The following ITPR1 variants were observed in gnomAD, a reference collection of about 807,000 sequenced individuals.
ITPR1 encodes inositol 1,4,5-trisphosphate receptor type 1, also known as inositol 1,4,5-trisphosphate-gated calcium channel ITPR1.
ITPR1 carries 96 observed loss-of-function variants against 318.4 expected under a neutral mutation model. The ratio of observed to expected loss-of-function variants is 0.30; its 90% CI spans 0.26 to 0.36. ITPR1 has a LOEUF of 0.36. Ranked by LOEUF, ITPR1 falls within the 10% of genes least tolerant of loss-of-function variation. ITPR1 has a pLI of 1.00. For missense variants in ITPR1, 2,440 were observed against 3,460.2 expected (o/e 0.71, Z 7.40); for synonymous variants, 1,312 against 1,289.9 (o/e 1.02, Z -0.37).
In ITPR1 at chr3:4,825,081, C is replaced by G. The variant is rs191833013; in HGVS notation, c.8028+6839C>G. Reference sequence around the variant, plus strand: ...GACTCATCTGAACGACTTTAACTCCCTAATAATTACACATGAGAATGTCTG... The same window carrying G: ...GACTCATCTGAACGACTTTAACTCCGTAATAATTACACATGAGAATGTCTG... On this transcript the variant is annotated intron_variant, in intron 60 of 61. Coordinates refer to ENST00000649015, the MANE Select transcript of ITPR1 (RefSeq NM_001378452.1). Among the ~76,000 whole-genome samples the G allele has an allele frequency of 2.2e-3, 328 of 152,310 alleles. 3 individuals are homozygous for G. Among genetic ancestry groups the G allele is most frequent in the Middle Eastern group, 0.017 (5 of 294 alleles).
chr3:4,845,066 C>G (rs2051659221), intron 61 of ITPR1, among the ~76,000 whole-genome samples: 1 of 152,182 alleles, frequency 6.6e-6, no homozygotes, highest in Non-Finnish European at 1.5e-5. Context: ...CTCCACCAAT[C>G]AGCTAGGAAT....
rs770919880 is a variant in ITPR1, at chr3:4,699,851, G to T, written c.4446G>T (p.Ser1482=). The part of the protein sequence containing the change: ...NNTSDRKHAD[S]ILEKYVTEIV... Reference sequence around the variant, plus strand: ...CTAGTGACAGGAAACATGCAGACTCGATTTTGGAGAAGTATGTCACCGAAA... The same window carrying T: ...CTAGTGACAGGAAACATGCAGACTCTATTTTGGAGAAGTATGTCACCGAAA... Residue 1482 remains serine, a synonymous_variant, in exon 35 of 62, where the codon TCG becomes TCT. Coordinates refer to ENST00000649015, the MANE Select transcript of ITPR1 (RefSeq NM_001378452.1). The T allele has an allele frequency of 1.9e-6, 3 of 1,613,780 alleles. No homozygotes were observed. The highest frequency in any genetic ancestry group is 1.7e-5 in the Admixed American group (1 of 60,024).
chr3:4,530,634 A>G (rs2083337141), intron 4 of ITPR1, among the ~76,000 whole-genome samples: 1 of 152,160 alleles, frequency 6.6e-6, no homozygotes, highest in South Asian at 2.1e-4. Flanking sequence ...AAATGAAATT[A>G]GCCAAGCATG....
intron 3 of ITPR1, among the ~76,000 whole-genome samples, chr3:4,518,941 A>G (rs1442383364): frequency 2.0e-5 from 3 of 152,174 alleles, no homozygotes; most frequent in African/African-American, 7.2e-5. Context: ...GACGGGCAGG[A>G]TTCTTGGGCC....
chr3:4,506,033 C>T (rs548685628), intron 2 of ITPR1, among the ~76,000 whole-genome samples: 1 of 152,208 alleles, frequency 6.6e-6, no homozygotes, highest in Admixed American at 6.5e-5. Flanking sequence ...TTCCTCCGTC[C>T]CCCTTTCTCT....
At chr3:4,647,002 T>C (rs2093473169) in intron 10 of ITPR1, among the ~76,000 whole-genome samples, 1 of 152,130 alleles carries the variant, frequency 6.6e-6, no homozygotes, top group Non-Finnish European at 1.5e-5. Context: ...CGTTCAGCCA[T>C]GTAACCAGCA....
intron 53 of ITPR1, chr3:4,800,111 A>G: frequency 2.7e-6 from 1 of 370,794 alleles, no homozygotes; most frequent in Non-Finnish European, 4.9e-6. Context: ...ACGGAGGAGG[A>G]GGGAACTCCT....
At chr3:4,631,428 A>T (rs2093012453) in intron 5 of ITPR1, among the ~76,000 whole-genome samples, 1 of 152,118 alleles carries the variant, frequency 6.6e-6, no homozygotes, top group Non-Finnish European at 1.5e-5. Context: ...TCCCCATTTT[A>T]TTGTATAAAA....
At chr3:4,662,327 C>A in intron 15 of ITPR1, 85 bp downstream of exon 15, 1 of 1,213,282 alleles carries the variant, frequency 8.2e-7, no homozygotes. Context: ...AGAATGGTGA[C>A]TCTGAACAGC....
chr3:4,603,591 A>C (rs573137341), intron 4 of ITPR1, among the ~76,000 whole-genome samples: 1 of 151,892 alleles, frequency 6.6e-6, no homozygotes, highest in East Asian at 1.9e-4. Flanking sequence ...CACCACACCT[A>C]GCTAATTTTT....
chr3:4,667,636 G>C, intron 18 of ITPR1, 87 bp downstream of exon 18: 7 of 1,284,748 alleles, frequency 5.4e-6, no homozygotes, highest in Non-Finnish European at 7.5e-6. Flanking sequence ...ACGTTTCCTT[G>C]TGCTGCTAGT....
chr3:4,812,796 T>C (rs1020749596), intron 56 of ITPR1, among the ~76,000 whole-genome samples: 4 of 152,232 alleles, frequency 2.6e-5, no homozygotes, highest in Non-Finnish European at 5.9e-5. Flanking sequence ...GGATTTCTAT[T>C]AATGCCTGCT....
intron 7 of ITPR1, 84 bp from the exon 8 acceptor site, chr3:4,644,052 C>T: frequency 1.2e-6 from 1 of 835,012 alleles, no homozygotes. Flanking sequence ...AGCACAGACT[C>T]ATATGTCTTC....
intron 4 of ITPR1, among the ~76,000 whole-genome samples, chr3:4,568,815 G>T (rs1341785959): frequency 3.3e-5 from 5 of 152,176 alleles, no homozygotes; most frequent in African/African-American, 1.2e-4. Flanking sequence ...TTGCTATAAA[G>T]AAATACCACT....
intron 4 of ITPR1, among the ~76,000 whole-genome samples, chr3:4,538,425 G>A (rs530165910): frequency 6.6e-6 from 1 of 152,142 alleles, no homozygotes; most frequent in Non-Finnish European, 1.5e-5. Context: ...TAGAGAAATA[G>A]GAATGTTTTT....
intron 31 of ITPR1, among the ~76,000 whole-genome samples, chr3:4,690,503 A>G (rs1157337512): frequency 6.6e-6 from 1 of 152,182 alleles, no homozygotes; most frequent in Non-Finnish European, 1.5e-5. Flanking sequence ...GTAGAATGCA[A>G]CTTGTTAACA....
chr3:4,818,378 G>A, intron 60 of ITPR1, 136 bp downstream of exon 60: 1 of 630,866 alleles, frequency 1.6e-6, no homozygotes. Flanking sequence ...TCACGGATGG[G>A]GCGCTGTGCT....
At chr3:4,637,438 A>G (rs2093224039) in intron 5 of ITPR1, among the ~76,000 whole-genome samples, 1 of 152,202 alleles carries the variant, frequency 6.6e-6, no homozygotes, top group Admixed American at 6.5e-5. Flanking sequence ...GGAGGCTGCT[A>G]AGGAGAGTAT....
chr3:4,510,477 G>C (rs1404432407), intron 2 of ITPR1, among the ~76,000 whole-genome samples: 1 of 152,192 alleles, frequency 6.6e-6, no homozygotes, highest in East Asian at 1.9e-4. Flanking sequence ...ACTCAGGTTA[G>C]CAGGGGCAAG....
Sources: gnomAD v4.1 joint callset for allele counts (sites outside exome capture counted in the v4.1 genomes callset) on GRCh38, gnomAD v4.1.1 for gene constraint, MANE v1.5 for transcripts, NCBI Gene and HGNC (gene_info 2026-07-23, HGNC 2026-07-21) for gene names.